Variants in MEIS2 observed in about 807,000 individuals in gnomAD.
The protein encoded by MEIS2 is Meis homeobox 2.
Under a neutral mutation model 58.6 loss-of-function variants are expected in MEIS2, and 9 were observed. That is an observed-to-expected ratio of 0.15 (90% CI 0.09 to 0.27). The LOEUF is 0.27. MEIS2 is among the 10% of genes least tolerant of loss of function. The pLI is 1.00. For missense variants in MEIS2, 427 were observed against 635.0 expected, an observed-to-expected ratio of 0.67 and a Z score of 3.52; for synonymous variants, 221 against 228.4, an observed-to-expected ratio of 0.97 and a Z score of 0.29.
intron 7 of MEIS2, among the ~76,000 whole-genome samples, chr15:37,042,356 T>C (rs547704089): frequency 3.3e-5 from 5 of 152,254 alleles, no homozygotes; most frequent in African/African-American, 9.6e-5. Flanking sequence ...CAGAAAAACA[T>C]TGCAACAACC....
intron 7 of MEIS2, among the ~76,000 whole-genome samples, chr15:37,044,548 A>T (rs2062581239): frequency 6.6e-6 from 1 of 152,158 alleles, no homozygotes; most frequent in Non-Finnish European, 1.5e-5. Flanking sequence ...ATCTTTCAAG[A>T]TTCCATACCT....
intron 7 of MEIS2, among the ~76,000 whole-genome samples, chr15:37,077,692 G>A (rs986733321): frequency 6.6e-6 from 1 of 151,958 alleles, no homozygotes; most frequent in African/African-American, 2.4e-5. Context: ...ACACATTTGT[G>A]GACCATCTGA....
chr15:36,902,082 G>A (rs529673170), intron 9 of MEIS2, among the ~76,000 whole-genome samples: 1 of 152,282 alleles, frequency 6.6e-6, no homozygotes, highest in East Asian at 1.9e-4. Context: ...AACTGGGCCT[G>A]GGTGGTTTTG....
intron 9 of MEIS2, among the ~76,000 whole-genome samples, chr15:36,913,267 G>T (rs774066859): frequency 6.6e-6 from 1 of 152,108 alleles, no homozygotes; most frequent in Non-Finnish European, 1.5e-5. Flanking sequence ...CCATAGATGT[G>T]GTTGCAGATT....
chr15:37,030,396 G>T (rs1595964730), intron 8 of MEIS2, among the ~76,000 whole-genome samples: 1 of 151,968 alleles, frequency 6.6e-6, no homozygotes, highest in East Asian at 1.9e-4. Context: ...GAGTGCAGTG[G>T]CACAGTCTCC....
rs1442704358 is a variant in MEIS2, at chr15:36,993,973, T to C, written c.900+42841A>G. On this transcript the variant is annotated intron_variant, in intron 8 of 11. Transcript: ENST00000561208. ...TCCATAAGGTGTGAAGTTGAGATGA[T>C]TTTCAGGGTCAATAAAGCCAAAGTA... Among the ~76,000 whole-genome samples the C allele has an allele frequency of 2.0e-5, 3 of 152,104 alleles. No homozygotes were observed. The East Asian group carries it at 5.8e-4, about 29-fold the overall frequency.
intron 7 of MEIS2, among the ~76,000 whole-genome samples, chr15:37,058,639 A>G (rs1157559548): frequency 1.3e-5 from 2 of 152,238 alleles, no homozygotes; most frequent in African/African-American, 4.8e-5. Flanking sequence ...TGCAGGTCTA[A>G]ATGATTTCTG....
chr15:37,096,228 C>T, intron 3 of MEIS2, 61 bp downstream of exon 3: 2 of 1,486,450 alleles, frequency 1.3e-6, no homozygotes, highest in Admixed American at 2.2e-5. Flanking sequence ...AGTAAAGCTC[C>T]GAGGAAAGGG....
intron 8 of MEIS2, among the ~76,000 whole-genome samples, chr15:36,977,176 GTA>G (rs34424010): frequency 0.25 from 37,837 of 151,524 alleles, 5,608 homozygotes; most frequent in African/African-American, 0.4. Flanking sequence ...TGTGGTAAGT[GTA>G]TATATATATA....
chr15:36,963,028 C>A (rs940206434), intron 8 of MEIS2, among the ~76,000 whole-genome samples: 4 of 152,158 alleles, frequency 2.6e-5, no homozygotes, highest in African/African-American at 9.7e-5. Context: ...TCAAAGAGAT[C>A]AAAAGTGTGG....
chr15:37,034,712 A>G (rs555462673), intron 8 of MEIS2, among the ~76,000 whole-genome samples: 1 of 152,328 alleles, frequency 6.6e-6, no homozygotes, highest in East Asian at 1.9e-4. Context: ...CGGAGCTTTC[A>G]AAACAAGAAA....
chr15:36,907,551 C>G (rs533289668), intron 9 of MEIS2, among the ~76,000 whole-genome samples: 2 of 152,190 alleles, frequency 1.3e-5, no homozygotes, highest in South Asian at 4.1e-4. Context: ...GGACCAGGCT[C>G]TTATCCTCCT....
chr15:37,019,198 A>G (rs191919984), intron 8 of MEIS2, among the ~76,000 whole-genome samples: 1 of 152,360 alleles, frequency 6.6e-6, no homozygotes, highest in African/African-American at 2.4e-5. Flanking sequence ...GATGTTAAAT[A>G]ACTCATCCAA....
chr15:36,997,230 T>A (rs529752216), intron 8 of MEIS2, among the ~76,000 whole-genome samples: 6 of 152,300 alleles, frequency 3.9e-5, no homozygotes, highest in African/African-American at 1.4e-4. Flanking sequence ...AAGTTAAGAA[T>A]GAAACTCAGC....
intron 7 of MEIS2, among the ~76,000 whole-genome samples, chr15:37,055,833 G>A (rs968498240): frequency 2.0e-5 from 3 of 152,218 alleles, no homozygotes; most frequent in African/African-American, 7.2e-5. Flanking sequence ...ATTGGTCCCA[G>A]TGGTTATTTA....
At chr15:36,967,179 T>C (rs2059383751) in intron 8 of MEIS2, among the ~76,000 whole-genome samples, 1 of 152,210 alleles carries the variant, frequency 6.6e-6, no homozygotes, top group Non-Finnish European at 1.5e-5. Flanking sequence ...CATCCTCACA[T>C]AGCGATATCC....
intron 7 of MEIS2, among the ~76,000 whole-genome samples, chr15:37,043,251 AG>A (rs1474697874): frequency 2.0e-5 from 3 of 152,250 alleles, no homozygotes; most frequent in Non-Finnish European, 4.4e-5. Flanking sequence ...AAGGAAATAA[AG>A]AATGATAGCT....
At chr15:37,018,780 A>C (rs12324204) in intron 8 of MEIS2, among the ~76,000 whole-genome samples, 1 of 152,168 alleles carries the variant, frequency 6.6e-6, no homozygotes, top group Non-Finnish European at 1.5e-5. Flanking sequence ...TAATTTGATA[A>C]CTCCACTAAT....
intron 7 of MEIS2, among the ~76,000 whole-genome samples, chr15:37,052,903 CT>C (rs1482765526): frequency 2.0e-5 from 3 of 152,192 alleles, no homozygotes; most frequent in Non-Finnish European, 4.4e-5. Context: ...TGTCATCCAT[CT>C]TTTTCTCCTA....
Sources: allele counts gnomAD v4.1 joint callset (sites outside exome capture counted in the v4.1 genomes callset), GRCh38; gene constraint gnomAD v4.1.1; transcripts MANE v1.5; gene names NCBI Gene and HGNC (gene_info 2026-07-23, HGNC 2026-07-21).